OR52E8: variants seen among roughly 807,000 people sequenced by gnomAD.
OR52E8 encodes olfactory receptor 52E8.
For synonymous variants in OR52E8, 167 were observed against 141.1 expected, an observed-to-expected ratio of 1.18 and a Z score of -1.30; for missense variants, 451 against 383.9, an observed-to-expected ratio of 1.17 and a Z score of -1.46.
At position 5,857,455 on chromosome 11, in the gene OR52E8, G is replaced by T; in HGVS notation, c.236C>A (p.Thr79Asn). 2 of 1,610,016 alleles carry T rather than the reference G, an allele frequency of 1.2e-6. No homozygotes were observed. Among genetic ancestry groups the T allele is most frequent in the Non-Finnish European group, 1.7e-6 (2 of 1,179,844 alleles). ...GAAGATGCCCAACATTTTGGGGATG[G>T]TGGCTGTAGACAAGCCCAGGTCAAT... ...DSIDLGLSTA[T>N]IPKMLGIFWF... The change falls in exon 1 of 1, where the codon ACC (threonine) becomes AAC (asparagine). Residue 79 changes from threonine to asparagine, a missense_variant. Thr to Asn is a moderately conservative substitution (Grantham distance 65). Coordinates refer to ENST00000537935, the MANE Select transcript of OR52E8 (RefSeq NM_001005168.3).
Position 5,857,213 on chromosome 11 carries a change from G to A in OR52E8, c.478C>T (p.Pro160Ser), listed in dbSNP as rs763179257. 1.9e-6 allele frequency: 3 copies of A among 1,610,000 alleles called. No individual in the cohort carries two copies. Among genetic ancestry groups the A allele is most frequent in the Non-Finnish European group, 8.5e-7 (1 of 1,179,908 alleles). ...AVLRSLYMVVPLVFLLLRLPF... is the reference protein window; with the variant it reads ...AVLRSLYMVVSLVFLLLRLPF... ...AGCCTCAGAAGGAGAAACACCAGTG[G>A]AACAACCATGTACAGGCTCCTCAGG... is the stretch of plus-strand genomic sequence containing the variant. The change falls in exon 1 of 1, where the codon CCA becomes TCA. Residue 160 changes from proline (P) to serine (S), a missense_variant. Coordinates refer to ENST00000537935, the MANE Select transcript of OR52E8 (RefSeq NM_001005168.3).
At position 5,857,343 on chromosome 11, in the gene OR52E8, C is replaced by T. The variant is rs369711738; in HGVS notation, c.348G>A (p.Val116=). Residue 116 remains valine (V), a synonymous_variant, in exon 1 of 1, where the codon GTG becomes GTA. Transcript: ENST00000537935. The stretch of plus-strand genomic sequence containing the variant: ...AGCGGTCAAAGGCCATGGCCACCAA[C>T]ACAATGCTCTCCATAGCAGTGAAGA... ...IHFFTAMESI[V]LVAMAFDRYI... 3.1e-6 allele frequency: 5 copies of T among 1,608,960 alleles called. 1 individual carries two copies. In the African/African-American group the frequency reaches 4.2e-5, roughly 14 times the overall value.
In OR52E8 at chr11:5,857,361, A is replaced by C; in HGVS notation, c.330T>G (p.Thr110=). Residue 110 remains threonine (T), a synonymous_variant, in exon 1 of 1, where the codon ACT becomes ACG. Coordinates refer to ENST00000537935, the MANE Select transcript of OR52E8 (RefSeq NM_001005168.3). ...LSHMFFIHFF[T]AMESIVLVAM... ...CCACCAACACAATGCTCTCCATAGC[A>C]GTGAAGAAATGGATGAAGAACATGT... The C allele has an allele frequency of 1.9e-6, 3 of 1,610,312 alleles. No individual in the cohort carries two copies. The highest frequency in any genetic ancestry group is 2.5e-6 in the Non-Finnish European group (3 of 1,179,908).
Position 5,857,636 on chromosome 11 carries a change from T to C in OR52E8, c.55A>G (p.Ile19Val). ...FHPSSFLLLG[I>V]PGLEDVHIWI... is the part of the protein sequence containing the mutation. ...ATGTGCACATCTTCTAGCCCTGGGATACCCAGCAGTAGGAATGAAGAAGGA... is the reference window on the plus strand; with the variant it reads ...ATGTGCACATCTTCTAGCCCTGGGACACCCAGCAGTAGGAATGAAGAAGGA... Residue 19 changes from isoleucine (I) to valine (V), a missense_variant, in exon 1 of 1, where the codon ATC becomes GTC. Ile to Val is a conservative substitution (Grantham distance 29, BLOSUM62 3). Coordinates refer to ENST00000537935, the MANE Select transcript of OR52E8 (RefSeq NM_001005168.3). 2.5e-6 allele frequency: 4 copies of C among 1,609,564 alleles called. No homozygotes were observed. The highest frequency in any genetic ancestry group is 1.7e-5 in the Admixed American group (1 of 59,862).
At position 5,857,638 on chromosome 11, in the gene OR52E8, C is replaced by T; in HGVS notation, c.53G>A (p.Gly18Asp). The T allele has an allele frequency of 1.2e-6, 2 of 1,609,490 alleles. No individual in the cohort carries two copies. The highest frequency in any genetic ancestry group is 1.7e-6 in the Non-Finnish European group (2 of 1,179,722). Reference protein sequence around the residue: ...QFHPSSFLLLGIPGLEDVHIW... With the variant: ...QFHPSSFLLLDIPGLEDVHIW... ...GTGCACATCTTCTAGCCCTGGGATA[C>T]CCAGCAGTAGGAATGAAGAAGGATG... is the stretch of plus-strand genomic sequence containing the variant. Residue 18 changes from glycine (G) to aspartate (D), a missense_variant, in exon 1 of 1, where the codon GGT becomes GAT. Physicochemically the swap from Gly to Asp is moderately conservative, Grantham distance 94. Coordinates refer to ENST00000537935, the MANE Select transcript of OR52E8 (RefSeq NM_001005168.3).
rs374161114 is a variant in OR52E8, at chr11:5,857,590, A to G, written c.101T>C (p.Phe34Ser). ...DVHIWIGVPF[F>S]FVYLVALLGN... is the part of the protein sequence containing the mutation. ...CAGGAGTGCAACAAGATACACAAAG[A>G]AAAAAGGGACTCCAATCCAAATGTG... Residue 34 changes from phenylalanine (F) to serine (S), a missense_variant, in exon 1 of 1, where the codon TTC becomes TCC. By Grantham distance (155) the Phe-to-Ser change is radical. Transcript: ENST00000537935. 6 of 1,609,276 alleles carry G rather than the reference A, an allele frequency of 3.7e-6. No individual in the cohort carries two copies. Among genetic ancestry groups the G allele is most frequent in the Admixed American group, 3.3e-5 (2 of 59,812 alleles).
In OR52E8 at chr11:5,856,781, C is replaced by T; in HGVS notation, c.910G>A (p.Val304Met). ...TTGGTCTTGAGAAAAATCCTCAGCA[C>T]TCTCTCTCGAATCTGCTTTGTCCTG... is the stretch of plus-strand genomic sequence containing the variant. Reference protein sequence around the residue: ...GVRTKQIRERVLRIFLKTNH With the variant: ...GVRTKQIRERMLRIFLKTNH Residue 304 changes from valine to methionine, a missense_variant, in exon 1 of 1, where the codon GTG becomes ATG. By Grantham distance (21) the Val-to-Met change is conservative. Transcript: ENST00000537935. 6.4e-7 allele frequency: 1 copy of T among 1,572,336 alleles called. No homozygotes were observed. Among genetic ancestry groups the T allele is most frequent in the Non-Finnish European group, 8.6e-7 (1 of 1,164,342 alleles).
chr11:5,857,297 G>A lies in OR52E8; in HGVS notation c.394C>T (p.Leu132Phe). Residue 132 changes from leucine (L) to phenylalanine (F), a missense_variant, in exon 1 of 1, where the codon CTT (leucine) becomes TTT (phenylalanine). Leu to Phe is a conservative substitution (Grantham distance 22). Transcript: ENST00000537935. Reference protein sequence around the residue: ...FDRYIAICKPLRYTMILTSKI... With the variant: ...FDRYIAICKPFRYTMILTSKI... ...CTGGTGAGGATCATGGTGTACCGAA[G>A]AGGTTTGCAAATGGCAATGTAGCGG... 1.2e-6 allele frequency: 2 copies of A among 1,610,356 alleles called. No individual in the cohort carries two copies. The highest frequency in any genetic ancestry group is 1.7e-6 in the Non-Finnish European group (2 of 1,179,910).
rs755307271 is a variant in OR52E8, at chr11:5,857,161, G to A, written c.530C>T (p.Pro177Leu). ...RLPFCGHRII[P>L]HTYCEHMGIA... ...GCCCATGTGCTCACAATAAGTATGA[G>A]GGATGATACGATGCCCACAGAAGGG... Residue 177 changes from proline (P) to leucine (L), a missense_variant, in exon 1 of 1, where the codon CCT (proline) becomes CTT (leucine). Physicochemically the swap from Pro to Leu is moderately conservative, Grantham distance 98. Transcript: ENST00000537935. 6.2e-7 allele frequency: 1 copy of A among 1,609,980 alleles called. No homozygotes were observed. Among genetic ancestry groups the A allele is most frequent in the Non-Finnish European group, 8.5e-7 (1 of 1,179,904 alleles).
chr11:5,857,175 C>T lies in OR52E8; in HGVS notation c.516G>A (p.Gly172=), dbSNP rs560936069. Residue 172 remains glycine, a synonymous_variant, in exon 1 of 1, where the codon GGG becomes GGA. Transcript: ENST00000537935. The part of the protein sequence containing the change: ...VFLLLRLPFC[G]HRIIPHTYCE... ...AATAAGTATGAGGGATGATACGATG[C>T]CCACAGAAGGGCAGCCTCAGAAGGA... The T allele has an allele frequency of 3.7e-6, 6 of 1,609,848 alleles. No individual in the cohort carries two copies. Among genetic ancestry groups the T allele is most frequent in the African/African-American group, 2.8e-5 (2 of 71,150 alleles).
chr11:5,856,904 G>C lies in OR52E8; in HGVS notation c.787C>G (p.His263Asp), dbSNP rs138117667. ...FTPAFFSFLT[H>D]RFGHNIPQYI... Reference sequence around the variant, plus strand: ...TGTGGGATATTATGGCCAAAACGATGTGTCAAGAATGAAAAAAATGCTGGT... The same window carrying C: ...TGTGGGATATTATGGCCAAAACGATCTGTCAAGAATGAAAAAAATGCTGGT... Residue 263 changes from histidine (H) to aspartate (D), a missense_variant, in exon 1 of 1, where the codon CAT becomes GAT. By Grantham distance (81) the His-to-Asp change is moderately conservative (BLOSUM62 -1). Transcript: ENST00000537935. 1.2e-6 allele frequency: 2 copies of C among 1,606,992 alleles called. No individual in the cohort carries two copies. Among genetic ancestry groups the C allele is most frequent in the African/African-American group, 2.9e-5 (2 of 69,734 alleles).
In OR52E8 at chr11:5,857,088, G is replaced by C. The variant is rs187504554; in HGVS notation, c.603C>G (p.Gly201=). 6.2e-7 allele frequency: 1 copy of C among 1,609,032 alleles called. No homozygotes were observed. Among genetic ancestry groups the C allele is most frequent in the Non-Finnish European group, 8.5e-7 (1 of 1,179,826 alleles). ...GTAACAAGAGAGATATGTTGCCAAG[G>C]CCAAACCTAATGTTGACTTTGATGC... ...CASIKVNIRF[G]LGNISLLLLD... is the part of the protein sequence containing the mutation. The change falls in exon 1 of 1, where the codon GGC becomes GGG. Residue 201 remains glycine (G), a synonymous_variant. Transcript: ENST00000537935.
In OR52E8 at chr11:5,857,553, A is replaced by G; in HGVS notation, c.138T>C (p.Ala46=). The stretch of plus-strand genomic sequence containing the variant: ...GCTCAGTCTGGATCACAAACAAGAG[A>G]GCAGTGTTTCCCAGGAGTGCAACAA... The part of the protein sequence containing the change: ...VYLVALLGNT[A]LLFVIQTEQS... The change falls in exon 1 of 1, where the codon GCT becomes GCC. Residue 46 remains alanine, a synonymous_variant. Coordinates refer to ENST00000537935, the MANE Select transcript of OR52E8 (RefSeq NM_001005168.3). The G allele has an allele frequency of 6.2e-7, 1 of 1,609,394 alleles. No homozygotes were observed. Among genetic ancestry groups the G allele is most frequent in the Non-Finnish European group, 8.5e-7 (1 of 1,179,780 alleles).
chr11:5,856,855 T>A lies in OR52E8; in HGVS notation c.836A>T (p.Asn279Ile). The change falls in exon 1 of 1, where the codon AAC becomes ATC. Residue 279 changes from asparagine to isoleucine, a missense_variant. Coordinates refer to ENST00000537935, the MANE Select transcript of OR52E8 (RefSeq NM_001005168.3). ...GGCTGGTGGGACAACCACATACAGG[T>A]TGGCTAATATAATATGTATATACTG... ...IPQYIHIILA[N>I]LYVVVPPALN... The A allele has an allele frequency of 6.2e-7, 1 of 1,606,228 alleles. No individual in the cohort carries two copies. The highest frequency in any genetic ancestry group is 1.1e-5 in the South Asian group (1 of 90,840).
In OR52E8 at chr11:5,856,844, C is replaced by A. The variant is rs781223637; in HGVS notation, c.847G>T (p.Val283Phe). The A allele has an allele frequency of 1.2e-6, 2 of 1,607,410 alleles. No homozygotes were observed. The highest frequency in any genetic ancestry group is 1.7e-6 in the Non-Finnish European group (2 of 1,179,366). Residue 283 changes from valine to phenylalanine, a missense_variant, in exon 1 of 1, where the codon GTT becomes TTT. Physicochemically the swap from Val to Phe is conservative, Grantham distance 50 (BLOSUM62 -1). Coordinates refer to ENST00000537935, the MANE Select transcript of OR52E8 (RefSeq NM_001005168.3). ...ACAGGATTGAGGGCTGGTGGGACAACCACATACAGGTTGGCTAATATAATA... is the reference window on the plus strand; with the variant it reads ...ACAGGATTGAGGGCTGGTGGGACAAACACATACAGGTTGGCTAATATAATA... ...IHIILANLYVVVPPALNPVIY... is the reference protein window; with the variant it reads ...IHIILANLYVFVPPALNPVIY...
rs532386230 is a variant in OR52E8, at chr11:5,857,439, C to T, written c.252G>A (p.Leu84=). ...GLSTATIPKM[L]GIFWFNTKEI... ...CTTTGGTATTGAACCAGAAGATGCCCAACATTTTGGGGATGGTGGCTGTAG... is the reference window on the plus strand; with the variant it reads ...CTTTGGTATTGAACCAGAAGATGCCTAACATTTTGGGGATGGTGGCTGTAG... Residue 84 remains leucine, a synonymous_variant, in exon 1 of 1, where the codon TTG becomes TTA. Transcript: ENST00000537935. 1 of 1,610,016 alleles carries T rather than the reference C, an allele frequency of 6.2e-7. No individual in the cohort carries two copies. Among genetic ancestry groups the T allele is most frequent in the African/African-American group, 1.4e-5 (1 of 71,366 alleles).
chr11:5,857,602 C>T lies in OR52E8; in HGVS notation c.89G>A (p.Gly30Glu), dbSNP rs532294455. 53 of 1,609,320 alleles carry T rather than the reference C, an allele frequency of 3.3e-5. No homozygotes were observed. In the East Asian group the frequency reaches 1.1e-3, roughly 34 times the overall value. ...PGLEDVHIWIGVPFFFVYLVA... is the reference protein window; with the variant it reads ...PGLEDVHIWIEVPFFFVYLVA... The stretch of plus-strand genomic sequence containing the variant: ...AAGATACACAAAGAAAAAAGGGACT[C>T]CAATCCAAATGTGCACATCTTCTAG... The change falls in exon 1 of 1, where the codon GGA becomes GAA. Residue 30 changes from glycine (G) to glutamate (E), a missense_variant. Coordinates refer to ENST00000537935, the MANE Select transcript of OR52E8 (RefSeq NM_001005168.3).
Position 5,857,286 on chromosome 11 carries a change from G to A in OR52E8, c.405C>T (p.Thr135=), listed in dbSNP as rs757407011. The A allele has an allele frequency of 3.5e-5, 57 of 1,610,172 alleles. No individual in the cohort carries two copies. The highest frequency in any genetic ancestry group is 4.2e-5 in the Non-Finnish European group (49 of 1,179,932). ...YIAICKPLRY[T]MILTSKIISL... ...TGATGATTTTGCTGGTGAGGATCAT[G>A]GTGTACCGAAGAGGTTTGCAAATGG... The change falls in exon 1 of 1, where the codon ACC becomes ACT. Residue 135 remains threonine (T), a synonymous_variant. Coordinates refer to ENST00000537935, the MANE Select transcript of OR52E8 (RefSeq NM_001005168.3).
In OR52E8 at chr11:5,857,280, G is replaced by A. The variant is rs200205961; in HGVS notation, c.411C>T (p.Ile137=). The change falls in exon 1 of 1, where the codon ATC becomes ATT. Residue 137 remains isoleucine, a synonymous_variant. Coordinates refer to ENST00000537935, the MANE Select transcript of OR52E8 (RefSeq NM_001005168.3). ...AICKPLRYTM[I]LTSKIISLIA... ...TGAGGCTGATGATTTTGCTGGTGAG[G>A]ATCATGGTGTACCGAAGAGGTTTGC... 130 of 1,610,286 alleles carry A rather than the reference G, an allele frequency of 8.1e-5. 1 individual carries two copies. In the East Asian group the frequency reaches 1.9e-3, roughly 24 times the overall value.
Sources: allele counts gnomAD v4.1 joint callset, GRCh38; gene constraint gnomAD v4.1.1; transcripts MANE v1.5; gene names NCBI Gene and HGNC (gene_info 2026-07-23, HGNC 2026-07-21).